The following DCC variants were observed in gnomAD, a reference collection of about 807,000 sequenced individuals.
DCC encodes the protein netrin receptor DCC.
A neutral mutation model predicts 172.5 loss-of-function variants in DCC; 58 were observed. The ratio of observed to expected loss-of-function variants is 0.34; its 90% CI spans 0.27 to 0.42. DCC has a LOEUF of 0.42. Ranked by LOEUF, DCC falls within the 10% of genes least tolerant of loss-of-function variation. The pLI is 1.00. For missense variants in DCC, 1,740 were observed against 1,791.0 expected (o/e 0.97, Z 0.51); for synonymous variants, 709 against 644.5 (o/e 1.10, Z -1.52).
At chr18:53,203,126 A>C (rs1373286269) in intron 9 of DCC, among the ~76,000 whole-genome samples, 1 of 152,104 alleles carries the variant, frequency 6.6e-6, no homozygotes, top group Non-Finnish European at 1.5e-5. Flanking sequence ...TTTATTTTTA[A>C]GAAATATGTA....
chr18:53,025,811 C>CACAG (rs1168216279), intron 5 of DCC, among the ~76,000 whole-genome samples: 2 of 150,830 alleles, frequency 1.3e-5, no homozygotes, highest in South Asian at 2.1e-4. Flanking sequence ...CACACACACA[C>CACAG]ACACACACAC....
rs528081049 is a variant in DCC at position 53,411,300 on chromosome 18, A to G, written c.3130+654A>G. On this transcript the variant is annotated intron_variant, in intron 20 of 28. Transcript: ENST00000442544. ...TTTGAAGAGTCATTTAACAATTGAA[A>G]ATAATTTGAAACATTCAAATGATTA... Among the ~76,000 whole-genome samples the G allele has an allele frequency of 5.3e-5, 8 of 152,276 alleles. No individual in the cohort carries two copies. The East Asian group carries it at 1.5e-3, about 29-fold the overall frequency.
At chr18:53,322,632 C>T (rs2057425694) in intron 14 of DCC, among the ~76,000 whole-genome samples, 2 of 151,756 alleles carry the variant, frequency 1.3e-5, no homozygotes, top group Non-Finnish European at 1.5e-5. Context: ...TAAAAGACAA[C>T]TTACTTTATT....
intron 5 of DCC, among the ~76,000 whole-genome samples, chr18:53,021,860 T>A (rs1156674015): frequency 6.6e-6 from 1 of 152,186 alleles, no homozygotes. Context: ...AAGCAAGCAG[T>A]TGGTTAATGG....
intron 5 of DCC, among the ~76,000 whole-genome samples, chr18:53,047,251 T>A (rs553158255): frequency 4.3e-4 from 2 of 4,646 alleles, no homozygotes; most frequent in African/African-American, 1.9e-3. Flanking sequence ...TATATATATA[T>A]ATATATATAT....
At chr18:52,441,164 C>A (rs1598820852) in intron 1 of DCC, among the ~76,000 whole-genome samples, 1 of 152,088 alleles carries the variant, frequency 6.6e-6, no homozygotes, top group African/African-American at 2.4e-5. Context: ...ATCACAGATT[C>A]TAGAGTAGCT....
Position 53,492,275 on chromosome 18 carries a change from G to C in DCC, c.3898+5317G>C, listed in dbSNP as rs188747528. 9.5e-4 allele frequency among the ~76,000 whole-genome samples: 144 copies of C among 152,240 alleles called. 1 individual carries two copies. The highest frequency in any genetic ancestry group is 3.4e-3 in the Middle Eastern group (1 of 294). On this transcript the variant is annotated intron_variant, in intron 26 of 28. Coordinates refer to ENST00000442544, the MANE Select transcript of DCC (RefSeq NM_005215.4). ...ATTCTGTAGGTTGCCTGTTCACTCT[G>C]ATGATAGCTTTTTTGTTGTGCAGAA...
intron 2 of DCC, among the ~76,000 whole-genome samples, chr18:52,888,989 TCA>T (rs1004750110): frequency 4.6e-5 from 7 of 151,974 alleles, no homozygotes; most frequent in Non-Finnish European, 1.0e-4. Flanking sequence ...TATAAACATG[TCA>T]CAATATAATA....
intron 3 of DCC, among the ~76,000 whole-genome samples, chr18:52,910,528 G>A (rs192269775): frequency 1.3e-5 from 2 of 152,228 alleles, no homozygotes; most frequent in Admixed American, 1.3e-4. Flanking sequence ...AAAACACTAA[G>A]AGTTGAGATG....
intron 18 of DCC, among the ~76,000 whole-genome samples, chr18:53,401,240 T>A (rs1410533389): frequency 6.6e-6 from 1 of 152,062 alleles, no homozygotes; most frequent in African/African-American, 2.4e-5. Context: ...ATCTATGCAG[T>A]CTTTTTACTA....
intron 1 of DCC, among the ~76,000 whole-genome samples, chr18:52,660,858 G>A (rs1216987108): frequency 6.6e-6 from 1 of 152,116 alleles, no homozygotes; most frequent in Non-Finnish European, 1.5e-5. Flanking sequence ...TTCCTATCAT[G>A]CCAGCACTTC....
chr18:52,571,860 A>G (rs1164606803), intron 1 of DCC, among the ~76,000 whole-genome samples: 1 of 152,192 alleles, frequency 6.6e-6, no homozygotes, highest in Non-Finnish European at 1.5e-5. Context: ...TTTCCACAGT[A>G]GCAACATGTA....
At chr18:52,466,281 G>A (rs1056058516) in intron 1 of DCC, among the ~76,000 whole-genome samples, 2 of 152,170 alleles carry the variant, frequency 1.3e-5, no homozygotes, top group Non-Finnish European at 2.9e-5. Context: ...TATGTCCATG[G>A]TGGGTCTAAC....
intron 24 of DCC, among the ~76,000 whole-genome samples, chr18:53,462,599 A>G (rs2045572649): frequency 6.6e-6 from 1 of 152,090 alleles, no homozygotes; most frequent in Non-Finnish European, 1.5e-5. Context: ...TAAAGTGCAC[A>G]ATAAAGGTAA....
intron 1 of DCC, among the ~76,000 whole-genome samples, chr18:52,495,297 C>T (rs1349933): frequency 0.057 from 8,700 of 152,052 alleles, 303 homozygotes; most frequent in South Asian, 0.12. Flanking sequence ...CCTGACAGTT[C>T]AAGTCTTCGT....
chr18:52,626,530 C>G (rs2034576803), intron 1 of DCC, among the ~76,000 whole-genome samples: 1 of 152,012 alleles, frequency 6.6e-6, no homozygotes, highest in Admixed American at 6.6e-5. Context: ...ATTAGGTTGT[C>G]CCTTTCTTAA....
intron 27 of DCC, among the ~76,000 whole-genome samples, chr18:53,507,272 T>C (rs2046192255): frequency 6.6e-6 from 1 of 152,210 alleles, no homozygotes; most frequent in African/African-American, 2.4e-5. Flanking sequence ...CATAAACCTC[T>C]GTGCTAATGG....
At chr18:52,988,453 C>G (rs1029942627) in intron 5 of DCC, among the ~76,000 whole-genome samples, 2 of 151,980 alleles carry the variant, frequency 1.3e-5, no homozygotes, top group Admixed American at 6.6e-5. Context: ...GAGAGATGCT[C>G]TATAAGAGAA....
intron 1 of DCC, among the ~76,000 whole-genome samples, chr18:52,623,238 A>C (rs777362783): frequency 6.6e-6 from 1 of 152,204 alleles, no homozygotes; most frequent in Non-Finnish European, 1.5e-5. Flanking sequence ...ACAGTTAAAT[A>C]TTTTCCTCAC....
Sources: gnomAD v4.1 joint callset for allele counts (sites outside exome capture counted in the v4.1 genomes callset) on GRCh38, gnomAD v4.1.1 for gene constraint, MANE v1.5 for transcripts, NCBI Gene and HGNC (gene_info 2026-07-23, HGNC 2026-07-21) for gene names.